Variants in ATP13A2 observed in about 807,000 individuals in gnomAD.
The protein encoded by ATP13A2 is ATPase cation transporting 13A2, also known as polyamine-transporting ATPase 13A2.
Under a neutral mutation model 138.3 loss-of-function variants are expected in ATP13A2, and 83 were observed. The observed-to-expected ratio is 0.60, with a 90% CI of 0.50 to 0.72. ATP13A2 has a LOEUF of 0.72. ATP13A2 is among the 30% of genes least tolerant of loss of function. The pLI, the probability that ATP13A2 is intolerant of heterozygous loss-of-function variation, is 0.00. For synonymous variants in ATP13A2, 663 were observed against 699.0 expected, an observed-to-expected ratio of 0.95 and a Z score of 0.81; for missense variants, 1,402 against 1,606.4, an observed-to-expected ratio of 0.87 and a Z score of 2.17.
At position 16,987,163 on chromosome 1, in the gene ATP13A2, C is replaced by T. The variant is rs567482589; in HGVS notation, c.2966G>A (p.Arg989Gln). 8 of 1,613,220 alleles carry T rather than the reference C, an allele frequency of 5.0e-6. No individual in the cohort carries two copies. Among genetic ancestry groups the T allele is most frequent in the East Asian group, 2.2e-5 (1 of 44,862 alleles). The change falls in exon 26 of 29, where the codon CGG becomes CAG. Residue 989 changes from arginine to glutamine, a missense_variant. Coordinates refer to ENST00000326735, the MANE Select transcript of ATP13A2 (RefSeq NM_022089.4). Reference protein sequence around the residue: ...SRTGPALVLGRVRPPGALLSV... With the variant: ...SRTGPALVLGQVRPPGALLSV... The stretch of plus-strand genomic sequence containing the variant: ...GAGCAGCGCCCCCGGTGGCCGCACC[C>T]GTCCCAGGACCAGCGCTGGCCCCGT...
chr1:17,002,007 T>G, intron 8 of ATP13A2, 27 bp downstream of exon 8: 1 of 1,598,442 alleles, frequency 6.3e-7, no homozygotes, highest in Non-Finnish European at 8.5e-7. Context: ...CAGGCAGGGC[T>G]GGGGCAAGAC....
rs1287774416 is a variant in ATP13A2 at position 17,005,745 on chromosome 1, C to G, written c.44G>C (p.Gly15Ala). The G allele has an allele frequency of 6.2e-7, 1 of 1,613,022 alleles. No individual in the cohort carries two copies. Among genetic ancestry groups the G allele is most frequent in the Admixed American group, 1.7e-5 (1 of 59,878 alleles). Residue 15 changes from glycine (G) to alanine (A), a missense_variant, in exon 2 of 29, where the codon GGT (glycine) becomes GCT (alanine). Transcript: ENST00000326735. ...SSPLVGSTPT[G>A]YGTLTIGTSI... Reference sequence around the variant, plus strand: ...TGTCCCTATCGTCAGGGTCCCATAACCGGTGGGCGTGCTGCCCACGAGAGG... The same window carrying G: ...TGTCCCTATCGTCAGGGTCCCATAAGCGGTGGGCGTGCTGCCCACGAGAGG...
rs147260398 is a variant in ATP13A2, at chr1:16,992,323, G to A, written c.1925C>T (p.Ala642Val). 4.0e-5 allele frequency: 65 copies of A among 1,612,578 alleles called. 1 individual carries two copies. In the South Asian group the frequency reaches 5.7e-4, roughly 14 times the overall value. Residue 642 changes from alanine to valine, a missense_variant, in exon 18 of 29, where the codon GCG becomes GTG. Ala to Val is a moderately conservative substitution (Grantham distance 64). Transcript: ENST00000326735. ...SALQRMSVVV[A>V]WPGATQPEAY... ...CTCGGGCTGAGTGGCCCCTGGCCAC[G>A]CCACCACCACACTCATGCGCTGCAG...
Position 17,011,615 on chromosome 1 carries a change from G to C in ATP13A2, c.10+114C>G. 7.5e-7 allele frequency: 1 copy of C among 1,325,216 alleles called. No individual in the cohort carries two copies. Among genetic ancestry groups the C allele is most frequent in the African/African-American group, 1.6e-5 (1 of 64,426 alleles). The allele number at this position is 1,325,216 out of a possible 1,614,324, so 82.1% of individuals were successfully genotyped here. On this transcript the variant is annotated intron_variant, in intron 1 of 28. Coordinates refer to ENST00000326735, the MANE Select transcript of ATP13A2 (RefSeq NM_022089.4). This position sits in a 1 kb window ranked among gnomAD's most constrained non-coding sequence, Gnocchi z 7.3. ...ATCCCCAACCAGGTCCCGCTTCCTGGGCTCGCGACCCCGCGGTGGGGGGCG... is the reference window on the plus strand; with the variant it reads ...ATCCCCAACCAGGTCCCGCTTCCTGCGCTCGCGACCCCGCGGTGGGGGGCG...
rs1557716323 is a variant in ATP13A2 at position 17,005,466 on chromosome 1, GGAAGAGCAGCAA to G, written c.184_195del (p.Leu62_Phe65del). ...CGCACCCCCCACAGGGGCTTCCAACGGAAGAGCAGCAAAGGGATCCCAGCCATCATCCAGACC... is the reference window on the plus strand; with the variant it reads ...CGCACCCCCCACAGGGGCTTCCAACGAGGGATCCCAGCCATCATCCAGACC... On this transcript the variant is annotated inframe_deletion, in exon 3 of 29. Transcript: ENST00000326735. The G allele has an allele frequency of 6.2e-7, 1 of 1,614,198 alleles. No individual in the cohort carries two copies. The highest frequency in any genetic ancestry group is 8.5e-7 in the Non-Finnish European group (1 of 1,180,040).
In ATP13A2 at chr1:16,996,150, C is replaced by T. The variant is rs2077112631; in HGVS notation, c.1368G>A (p.Glu456=). 6.2e-7 allele frequency: 1 copy of T among 1,614,048 alleles called. No individual in the cohort carries two copies. Among genetic ancestry groups the T allele is most frequent in the South Asian group, 1.1e-5 (1 of 91,096 alleles). Residue 456 remains glutamate (E), a synonymous_variant, in exon 15 of 29, where the codon GAG becomes GAA. Transcript: ENST00000326735. The part of the protein sequence containing the change: ...ILYRNRVPLN[E]IVIRALDLVT... The stretch of plus-strand genomic sequence containing the variant: ...CCAGGTCGAGAGCCCGGATTACAAT[C>T]TCATTCAGAGGCACCTGGCAGGGGG...
chr1:16,994,538 A>G (rs530361145), intron 15 of ATP13A2, among the ~76,000 whole-genome samples: 5 of 151,480 alleles, frequency 3.3e-5, no homozygotes, highest in East Asian at 2.0e-4. Context: ...CAGCCTCAAT[A>G]TATCTGTTGA....
chr1:16,987,562 G>A (rs1356214306), intron 25 of ATP13A2, among the ~76,000 whole-genome samples: 1 of 152,218 alleles, frequency 6.6e-6, no homozygotes, highest in African/African-American at 2.4e-5. Context: ...CTTCGGCTCT[G>A]CCTTGCGGAG....
chr1:17,000,478 G>C lies in ATP13A2; in HGVS notation c.762C>G (p.Asp254Glu). Residue 254 changes from aspartate to glutamate, a missense_variant, in exon 9 of 29, where the codon GAC (aspartate) becomes GAG (glutamate). Physicochemically the swap from Asp to Glu is conservative, Grantham distance 45. Transcript: ENST00000326735. ...TGCACAGGGCGTACCAGTAGTAGTG[G>C]TCAGCCAGCCACAGCGCGATGCTGA... ...QAFSIALWLADHYYWYALCIF... is the reference protein window; with the variant it reads ...QAFSIALWLAEHYYWYALCIF... 2 of 1,614,088 alleles carry C rather than the reference G, an allele frequency of 1.2e-6. No individual in the cohort carries two copies. Among genetic ancestry groups the C allele is most frequent in the South Asian group, 1.1e-5 (1 of 91,084 alleles).
In ATP13A2 at chr1:16,986,120, C is replaced by T; in HGVS notation, c.*101G>A. On this transcript the variant is annotated 3_prime_UTR_variant, in exon 29 of 29. Coordinates refer to ENST00000326735, the MANE Select transcript of ATP13A2 (RefSeq NM_022089.4). This position sits in a 1 kb window ranked among gnomAD's most constrained non-coding sequence, Gnocchi z 6.9. ...GAGGAGTGTAGACAGTCGCCAACCTCAGGGATGTGGGAGGTGGTGGCGGTG... is the reference window on the plus strand; with the variant it reads ...GAGGAGTGTAGACAGTCGCCAACCTTAGGGATGTGGGAGGTGGTGGCGGTG... 1.9e-6 allele frequency: 3 copies of T among 1,589,324 alleles called. No homozygotes were observed. The highest frequency in any genetic ancestry group is 2.6e-6 in the Non-Finnish European group (3 of 1,169,158).
Position 17,000,537 on chromosome 1 carries a change from G to A in ATP13A2, c.706-3C>T, listed in dbSNP as rs753707797. On this transcript the variant is annotated splice_polypyrimidine_tract_variant and splice_region_variant and intron_variant, in intron 8 of 28. Coordinates refer to ENST00000326735, the MANE Select transcript of ATP13A2 (RefSeq NM_022089.4). Reference sequence around the variant, plus strand: ...AACCCATAGTAGGGGTTCAGTGCCTGGGGGAGGGGCGGGAGGCAGCGTCAG... The same window carrying A: ...AACCCATAGTAGGGGTTCAGTGCCTAGGGGAGGGGCGGGAGGCAGCGTCAG... The A allele has an allele frequency of 8.7e-6, 14 of 1,613,206 alleles. No homozygotes were observed. The highest frequency in any genetic ancestry group is 1.2e-5 in the Non-Finnish European group (14 of 1,179,326).
chr1:16,991,960 C>A (rs2076946806), intron 19 of ATP13A2, 49 bp downstream of exon 19: 1 of 1,608,410 alleles, frequency 6.2e-7, no homozygotes, highest in African/African-American at 1.3e-5. Context: ...TGCGTGAGAG[C>A]CTCCCTCTGC....
intron 1 of ATP13A2, among the ~76,000 whole-genome samples, chr1:17,009,387 CTTTTT>C (rs1161920218): frequency 2.6e-5 from 3 of 116,512 alleles, no homozygotes; most frequent in Admixed American, 9.9e-5. Flanking sequence ...GAGCCTCTTC[CTTTTT>C]TTTTTTTTTT....
chr1:16,998,009 A>C, intron 11 of ATP13A2, among the ~76,000 whole-genome samples: 1 of 152,214 alleles, frequency 6.6e-6, no homozygotes, highest in East Asian at 1.9e-4. Context: ...GCTGCCTAGC[A>C]AACAGTGGCA....
intron 16 of ATP13A2, among the ~76,000 whole-genome samples, chr1:16,992,881 T>C (rs1273004573): frequency 6.6e-6 from 1 of 152,236 alleles, no homozygotes; most frequent in Non-Finnish European, 1.5e-5. Flanking sequence ...CGCTGGCGCA[T>C]AGTAGGCACT....
chr1:16,986,013 T>TG lies in ATP13A2; in HGVS notation c.*207dup. The TG allele has an allele frequency of 6.9e-7, 1 of 1,457,808 alleles. No homozygotes were observed. Among genetic ancestry groups the TG allele is most frequent in the South Asian group, 1.5e-5 (1 of 68,566 alleles). 90.3% of individuals were successfully genotyped at this position (1,457,808 alleles called of 1,614,324 possible). The stretch of plus-strand genomic sequence containing the variant: ...CACTGACAGCAGCACTGAGGGGAGC[T>TG]GGGGGCTGCCACCCCTACGCGGGAT... On this transcript the variant is annotated 3_prime_UTR_variant, in exon 29 of 29. Transcript: ENST00000326735. This position sits in a 1 kb window ranked among gnomAD's most constrained non-coding sequence, Gnocchi z 6.9.
chr1:17,008,865 G>A (rs2077667805), intron 1 of ATP13A2, among the ~76,000 whole-genome samples: 1 of 151,646 alleles, frequency 6.6e-6, no homozygotes, highest in African/African-American at 2.4e-5. Flanking sequence ...TTGGGAGGCT[G>A]AGGCGGGAGA....
chr1:17,010,746 ACAGCTCGGGGCAGTGTCAC>A (rs1342655896), intron 1 of ATP13A2, among the ~76,000 whole-genome samples: 6 of 152,226 alleles, frequency 3.9e-5, no homozygotes, highest in Non-Finnish European at 7.3e-5. Flanking sequence ...GTCTGAGGTC[ACAGCTCGGGGCAGTGTCAC>A]CAGCACTGTG....
Position 17,004,755 on chromosome 1 carries a change from T to C in ATP13A2, c.414A>G (p.Pro138=). Residue 138 remains proline, a synonymous_variant, in exon 5 of 29, where the codon CCA becomes CCG. Coordinates refer to ENST00000326735, the MANE Select transcript of ATP13A2 (RefSeq NM_022089.4). The surrounding 1 kb of genome is among the most constrained non-coding windows in gnomAD (Gnocchi z 4.1). ...GGGCCGTATCCTTCCAGGCACCCTC[T>C]GGTACCGCCCCAACTGCCGCCTGGC... ...GRSQAAVGAV[P]EGAWKDTAQL... 6.2e-7 allele frequency: 1 copy of C among 1,614,076 alleles called. No individual in the cohort carries two copies. Among genetic ancestry groups the C allele is most frequent in the Middle Eastern group, 1.6e-4 (1 of 6,062 alleles).
Sources: allele counts gnomAD v4.1 joint callset (sites outside exome capture counted in the v4.1 genomes callset), GRCh38; gene constraint gnomAD v4.1.1; non-coding constraint Gnocchi (gnomAD v3.1); transcripts MANE v1.5; gene names NCBI Gene and HGNC (gene_info 2026-07-23, HGNC 2026-07-21).